Variants in ATRNL1 observed in about 807,000 individuals in gnomAD.
ATRNL1 encodes attractin like 1.
ATRNL1 carries 95 observed loss-of-function variants against 182.7 expected under a neutral mutation model. The observed-to-expected ratio is 0.52, with a 90% CI of 0.44 to 0.62. The LOEUF (loss-of-function observed/expected upper bound fraction) is 0.62. Ranked by LOEUF, ATRNL1 falls within the 20% of genes least tolerant of loss-of-function variation. The pLI, the probability that ATRNL1 is intolerant of heterozygous loss-of-function variation, is 0.00. For synonymous variants in ATRNL1, 576 were observed against 568.3 expected (o/e 1.01, Z -0.19); for missense variants, 1,471 against 1,679.5 (o/e 0.88, Z 2.17).
intron 15 of ATRNL1, among the ~76,000 whole-genome samples, chr10:115,287,924 G>GTTT (rs11298663): frequency 1.5e-4 from 14 of 91,010 alleles, no homozygotes; most frequent in East Asian, 3.1e-4. Context: ...AAGATCAACT[G>GTTT]TTTTTTTTTT....
intron 8 of ATRNL1, among the ~76,000 whole-genome samples, chr10:115,176,360 T>G (rs1554886689): frequency 1.3e-5 from 2 of 152,196 alleles, no homozygotes; most frequent in African/African-American, 4.8e-5. Context: ...TTTAGTGTTT[T>G]AGACATGAAG....
chr10:115,761,127 CAT>C (rs1270894235), intron 27 of ATRNL1, among the ~76,000 whole-genome samples: 1 of 151,718 alleles, frequency 6.6e-6, no homozygotes, highest in African/African-American at 2.4e-5. Flanking sequence ...AAAATCAAAT[CAT>C]GTAATCAAAA....
chr10:115,256,209 A>G (rs1364507302), intron 10 of ATRNL1, among the ~76,000 whole-genome samples: 1 of 152,204 alleles, frequency 6.6e-6, no homozygotes, highest in African/African-American at 2.4e-5. Flanking sequence ...TTCAGAAGGA[A>G]TGGTACCAGC....
Position 115,785,769 on chromosome 10 carries a change from T to C in ATRNL1, c.3903+58414T>C, listed in dbSNP as rs187862935. On this transcript the variant is annotated intron_variant, in intron 27 of 28. Coordinates refer to ENST00000355044, the MANE Select transcript of ATRNL1 (RefSeq NM_207303.4). ...GCTTAACAGTTTTTGCCTCAATTTA[T>C]CTCTTCCCTCTCGCATTTTACCATA... Among the ~76,000 whole-genome samples the C allele has an allele frequency of 3.0e-3, 458 of 152,338 alleles. 4 individuals are homozygous for C. Among genetic ancestry groups the C allele is most frequent in the African/African-American group, 0.01 (434 of 41,584 alleles).
At chr10:115,668,079 G>A (rs1555040235) in intron 26 of ATRNL1, among the ~76,000 whole-genome samples, 1 of 152,100 alleles carries the variant, frequency 6.6e-6, no homozygotes, top group Non-Finnish European at 1.5e-5. Context: ...GGGATTGCTG[G>A]TAGCCATATC....
chr10:115,641,052 G>A (rs1859211892), intron 26 of ATRNL1, among the ~76,000 whole-genome samples: 1 of 151,966 alleles, frequency 6.6e-6, no homozygotes, highest in African/African-American at 2.4e-5. Context: ...TGCTTTTAAA[G>A]GTAGGAACAA....
Position 115,183,091 on chromosome 10 carries a change from A to G in ATRNL1, c.1348+11799A>G, listed in dbSNP as rs571627125. The stretch of plus-strand genomic sequence containing the variant: ...GTTTCCCAAGAATGGAAGCATTGAA[A>G]ATAAACACCTGAATATTAAATAAAA... On this transcript the variant is annotated intron_variant, in intron 8 of 28. Transcript: ENST00000355044. 5.3e-5 allele frequency among the ~76,000 whole-genome samples: 8 copies of G among 151,624 alleles called. No homozygotes were observed. The South Asian group carries it at 1.7e-3, about 31-fold the overall frequency.
chr10:115,738,340 A>G (rs3206041), intron 27 of ATRNL1, among the ~76,000 whole-genome samples: 1 of 151,554 alleles, frequency 6.6e-6, no homozygotes, highest in South Asian at 2.1e-4. Context: ...GGGTTTGACC[A>G]TGTTGGCCAG....
chr10:115,711,565 G>T (rs1369299862), intron 26 of ATRNL1, among the ~76,000 whole-genome samples: 1 of 152,140 alleles, frequency 6.6e-6, no homozygotes, highest in Non-Finnish European at 1.5e-5. Flanking sequence ...AAAGCCTGTG[G>T]TCAACTATGT....
At chr10:115,845,623 T>C (rs1469381064) in intron 27 of ATRNL1, among the ~76,000 whole-genome samples, 2 of 151,986 alleles carry the variant, frequency 1.3e-5, no homozygotes, top group African/African-American at 4.8e-5. Context: ...TTTTTCTCAA[T>C]CTCCTAAACC....
chr10:115,917,496 A>AC (rs1282679642), intron 28 of ATRNL1, among the ~76,000 whole-genome samples: 1 of 148,200 alleles, frequency 6.7e-6, no homozygotes, highest in African/African-American at 2.5e-5. Context: ...GAAAAAAAAA[A>AC]CGGGGCCATG....
At chr10:115,510,067 A>G (rs1455341660) in intron 24 of ATRNL1, among the ~76,000 whole-genome samples, 2 of 152,066 alleles carry the variant, frequency 1.3e-5, no homozygotes, top group Non-Finnish European at 2.9e-5. Context: ...TGATAGAATT[A>G]TAAGTGGAGT....
In ATRNL1 at chr10:115,725,711, G is replaced by T. The variant is rs116029319; in HGVS notation, c.3796-1537G>T. On this transcript the variant is annotated intron_variant, in intron 26 of 28. Transcript: ENST00000355044. ...TGTGTGTGTTTTTACCAAAGACGAA[G>T]AACCTGGTGTCTTCTGCATTTACTA... Among the ~76,000 whole-genome samples the T allele has an allele frequency of 3.5e-3, 527 of 149,550 alleles. 3 individuals are homozygous for T. The highest frequency in any genetic ancestry group is 0.012 in the African/African-American group (513 of 41,146).
chr10:115,412,562 G>A (rs1845196010), intron 20 of ATRNL1, among the ~76,000 whole-genome samples: 1 of 152,110 alleles, frequency 6.6e-6, no homozygotes, highest in South Asian at 2.1e-4. Context: ...TTATATCCAA[G>A]TACTCTGATA....
At chr10:115,482,295 T>C in intron 24 of ATRNL1, among the ~76,000 whole-genome samples, 1 of 151,118 alleles carries the variant, frequency 6.6e-6, no homozygotes, top group Non-Finnish European at 1.5e-5. Flanking sequence ...GTTCTATGTG[T>C]AAATCTGTAG....
intron 27 of ATRNL1, among the ~76,000 whole-genome samples, chr10:115,769,090 C>A (rs976298543): frequency 6.6e-6 from 1 of 152,060 alleles, no homozygotes; most frequent in African/African-American, 2.4e-5. Flanking sequence ...CATTGCCAAT[C>A]ATAAGACAGG....
At chr10:115,259,036 C>T (rs1169627948) in intron 10 of ATRNL1, among the ~76,000 whole-genome samples, 1 of 152,126 alleles carries the variant, frequency 6.6e-6, no homozygotes. Flanking sequence ...TCGGTCAGCC[C>T]CTACTGAGAG....
chr10:115,296,794 G>A (rs1564888929), intron 15 of ATRNL1, among the ~76,000 whole-genome samples: 1 of 152,122 alleles, frequency 6.6e-6, no homozygotes, highest in African/African-American at 2.4e-5. Flanking sequence ...CTATTTTTCT[G>A]TGAAGGATAG....
intron 21 of ATRNL1, among the ~76,000 whole-genome samples, chr10:115,434,431 C>G (rs875327): frequency 0.018 from 2,708 of 152,150 alleles, 74 homozygotes; most frequent in African/African-American, 0.061. Flanking sequence ...ATAGAGAAAG[C>G]TGAACTAATT....
Sources: allele counts gnomAD v4.1 joint callset (sites outside exome capture counted in the v4.1 genomes callset), GRCh38; gene constraint gnomAD v4.1.1; transcripts MANE v1.5; gene names NCBI Gene and HGNC (gene_info 2026-07-23, HGNC 2026-07-21).